ADAMTS3: variants seen among roughly 807,000 people sequenced by gnomAD.
The protein encoded by ADAMTS3 is A disintegrin and metalloproteinase with thrombospondin motifs 3.
Under a neutral mutation model 129.0 loss-of-function variants are expected in ADAMTS3, and 73 were observed. That is an observed-to-expected ratio of 0.57 (90% confidence interval 0.47 to 0.69). The LOEUF is 0.69. Ranked by LOEUF, ADAMTS3 falls within the 30% of genes least tolerant of loss-of-function variation. The probability of loss-of-function intolerance (pLI) is 0.00; values close to 1 mark genes in which losing one functional copy is unlikely to be tolerated. For synonymous variants in ADAMTS3, 477 were observed against 510.8 expected (o/e 0.93, Z 0.89); for missense variants, 1,457 against 1,514.5 (o/e 0.96, Z 0.63).
intron 6 of ADAMTS3, among the ~76,000 whole-genome samples, chr4:72,321,213 C>T (rs981901062): frequency 1.3e-5 from 2 of 152,096 alleles, no homozygotes; most frequent in African/African-American, 4.8e-5. Flanking sequence ...ACTCTCTCAC[C>T]CAGGCTGAAG....
At position 72,283,620 on chromosome 4, in the gene ADAMTS3, A is replaced by G. The variant is rs1390822482; in HGVS notation, c.3134T>C (p.Leu1045Ser). 6.2e-7 allele frequency: 1 copy of G among 1,614,002 alleles called. No individual in the cohort carries two copies. The change falls in exon 22 of 22, where the codon TTA (leucine) becomes TCA (serine). Residue 1045 changes from leucine to serine, a missense_variant. Leu to Ser is a moderately radical substitution (Grantham distance 145, BLOSUM62 -2). Transcript: ENST00000286657. ...GCGCTTGCTGCAGGACTCACAACAT[A>G]ACTTGTTATAACCTGGTATGGAGCA... ...RYCSIPGYNK[L>S]CCESCSKRSS... is the part of the protein sequence containing the mutation.
intron 4 of ADAMTS3, among the ~76,000 whole-genome samples, chr4:72,406,282 C>T (rs1177589697): frequency 6.6e-6 from 1 of 152,164 alleles, no homozygotes; most frequent in Admixed American, 6.6e-5. Flanking sequence ...CCAGCAATGC[C>T]TACTTGGCCA....
At chr4:72,526,733 CATATATATATAT>C (rs36097990) in intron 3 of ADAMTS3, among the ~76,000 whole-genome samples, 14,097 of 98,718 alleles carry the variant, frequency 0.14, 1,084 homozygotes, top group East Asian at 0.18. Flanking sequence ...TATATACATA[CATATATATATAT>C]ATATATATAT....
intron 4 of ADAMTS3, among the ~76,000 whole-genome samples, chr4:72,368,494 A>G (rs1008660168): frequency 6.6e-6 from 1 of 152,244 alleles, no homozygotes; most frequent in Non-Finnish European, 1.5e-5. Context: ...TTCTATCTCA[A>G]TTACATGCCT....
chr4:72,566,255 CAT>C (rs1165100242), intron 2 of ADAMTS3, among the ~76,000 whole-genome samples: 2 of 152,168 alleles, frequency 1.3e-5, no homozygotes, highest in East Asian at 3.9e-4. Flanking sequence ...TTACAGGCTA[CAT>C]ATACACACCT....
At chr4:72,291,607 TCCATGGTGTATATGTG>T (rs1180868761) in intron 19 of ADAMTS3, among the ~76,000 whole-genome samples, 1 of 151,866 alleles carries the variant, frequency 6.6e-6, no homozygotes, top group Non-Finnish European at 1.5e-5. Flanking sequence ...TGCATAGTAT[TCCATGGTGTATATGTG>T]CCACATTTTC....
At chr4:72,370,745 G>A (rs922597024) in intron 4 of ADAMTS3, among the ~76,000 whole-genome samples, 1 of 152,084 alleles carries the variant, frequency 6.6e-6, no homozygotes, top group East Asian at 1.9e-4. Flanking sequence ...GTGAGACTCT[G>A]TCTCTAAATA....
intron 10 of ADAMTS3, among the ~76,000 whole-genome samples, chr4:72,317,700 A>G (rs980190935): frequency 6.6e-6 from 1 of 152,140 alleles, no homozygotes; most frequent in Admixed American, 6.5e-5. Context: ...AAAGTAGTCC[A>G]GAGAGATTAA....
intron 3 of ADAMTS3, among the ~76,000 whole-genome samples, chr4:72,524,540 T>C (rs1171968996): frequency 6.6e-6 from 1 of 151,998 alleles, no homozygotes; most frequent in East Asian, 1.9e-4. Flanking sequence ...CATGCTTTAT[T>C]ATTATTATTA....
At chr4:72,474,901 C>T (rs1364253192) in intron 3 of ADAMTS3, among the ~76,000 whole-genome samples, 1 of 150,700 alleles carries the variant, frequency 6.6e-6, no homozygotes, top group Non-Finnish European at 1.5e-5. Flanking sequence ...GTGGCGGGTG[C>T]CTGTAGTCCC....
chr4:72,533,441 T>A (rs75953393), intron 3 of ADAMTS3, among the ~76,000 whole-genome samples: 1 of 151,138 alleles, frequency 6.6e-6, no homozygotes, highest in Non-Finnish European at 1.5e-5. Flanking sequence ...TTACAGCAGC[T>A]TTTTTTTTCT....
chr4:72,431,750 A>G (rs1722702862), intron 3 of ADAMTS3, among the ~76,000 whole-genome samples: 1 of 151,998 alleles, frequency 6.6e-6, no homozygotes, highest in African/African-American at 2.4e-5. Flanking sequence ...AGTATCATGA[A>G]GAAAATAAAG....
chr4:72,567,348 G>C (rs1167137703), intron 2 of ADAMTS3, 26 bp downstream of exon 2: 2 of 1,610,086 alleles, frequency 1.2e-6, no homozygotes, highest in East Asian at 2.2e-5. Flanking sequence ...CTTAAGATAA[G>C]AGTGACATCT....
chr4:72,374,328 T>C (rs937280477), intron 4 of ADAMTS3, among the ~76,000 whole-genome samples: 4 of 152,048 alleles, frequency 2.6e-5, no homozygotes, highest in African/African-American at 7.2e-5. Flanking sequence ...TCTGTTATTA[T>C]CTTCTTGCTA....
chr4:72,351,794 T>G (rs1378619457), intron 4 of ADAMTS3, among the ~76,000 whole-genome samples: 1 of 152,012 alleles, frequency 6.6e-6, no homozygotes, highest in East Asian at 1.9e-4. Flanking sequence ...TTTTGAAATA[T>G]TCACTGAATA....
intron 4 of ADAMTS3, among the ~76,000 whole-genome samples, chr4:72,340,968 G>C (rs968670482): frequency 1.3e-5 from 2 of 152,156 alleles, no homozygotes; most frequent in Non-Finnish European, 2.9e-5. Context: ...GACAGAACCA[G>C]CTCTGACTCA....
chr4:72,347,506 T>G (rs1720320332), intron 4 of ADAMTS3, among the ~76,000 whole-genome samples: 1 of 152,060 alleles, frequency 6.6e-6, no homozygotes, highest in Non-Finnish European at 1.5e-5. Flanking sequence ...ATTTGTTTAT[T>G]TTATTCTCTC....
chr4:72,367,317 C>A (rs1214715690), intron 4 of ADAMTS3, among the ~76,000 whole-genome samples: 3 of 152,072 alleles, frequency 2.0e-5, no homozygotes, highest in Non-Finnish European at 4.4e-5. Flanking sequence ...AGCTTACTAT[C>A]TATACTGCTT....
In ADAMTS3 at chr4:72,555,646, G is replaced by A. The variant is rs114522661; in HGVS notation, c.98-6762C>T. On this transcript the variant is annotated intron_variant, in intron 2 of 21. Coordinates refer to ENST00000286657, the MANE Select transcript of ADAMTS3 (RefSeq NM_014243.3). ...CTTTCAGAAACTATAAGATCTTTGG[G>A]TCAGAAATATAATATCTTAACTATG... is the stretch of plus-strand genomic sequence containing the variant. Among the ~76,000 whole-genome samples, 854 of 151,900 alleles carry A rather than the reference G, an allele frequency of 5.6e-3. 36 individuals are homozygous for A. The highest frequency in any genetic ancestry group is 0.019 in the African/African-American group (776 of 41,202).
Sources: allele counts gnomAD v4.1 joint callset (sites outside exome capture counted in the v4.1 genomes callset), GRCh38; gene constraint gnomAD v4.1.1; transcripts MANE v1.5; gene names NCBI Gene and HGNC (gene_info 2026-07-23, HGNC 2026-07-21).